PARVA: variants seen among roughly 807,000 people sequenced by gnomAD.
PARVA encodes the protein alpha-parvin.
In PARVA, 25 loss-of-function variants were observed where a neutral mutation model predicts 52.6. The ratio of observed to expected loss-of-function variants is 0.48; its 90% CI spans 0.35 to 0.66. The LOEUF (loss-of-function observed/expected upper bound fraction) is 0.66. PARVA is among the 30% of genes least tolerant of loss of function. The pLI, the probability that PARVA is intolerant of heterozygous loss-of-function variation, is 0.01. For missense variants in PARVA, 373 were observed against 450.9 expected (o/e 0.83, Z 1.56); for synonymous variants, 185 against 179.1 (o/e 1.03, Z -0.26).
chr11:12,508,203 T>C (rs1941460942), intron 6 of PARVA, among the ~76,000 whole-genome samples: 1 of 151,794 alleles, frequency 6.6e-6, no homozygotes, highest in African/African-American at 2.4e-5. Context: ...GTTAAATGTG[T>C]TTCTCAGCTT....
chr11:12,525,362 G>A, intron 12 of PARVA, among the ~76,000 whole-genome samples: 1 of 152,144 alleles, frequency 6.6e-6, no homozygotes, highest in Admixed American at 6.5e-5. Flanking sequence ...AGCCATGCCT[G>A]GAGGCCTATC....
intron 1 of PARVA, among the ~76,000 whole-genome samples, chr11:12,431,957 C>G (rs1271188281): frequency 6.6e-6 from 1 of 152,220 alleles, no homozygotes; most frequent in African/African-American, 2.4e-5. Flanking sequence ...GGTGAGGATA[C>G]TAGTTTACAC....
intron 1 of PARVA, among the ~76,000 whole-genome samples, chr11:12,380,050 C>G (rs1039665503): frequency 2.0e-4 from 31 of 152,192 alleles, no homozygotes; most frequent in African/African-American, 7.5e-4. Flanking sequence ...CCTTTTATTA[C>G]TACCTTGCTG....
chr11:12,505,419 G>A (rs1034472741), intron 6 of PARVA, among the ~76,000 whole-genome samples: 5 of 152,200 alleles, frequency 3.3e-5, no homozygotes, highest in African/African-American at 1.2e-4. Context: ...GTCAACAGGA[G>A]GAGACAAGGA....
intron 1 of PARVA, among the ~76,000 whole-genome samples, chr11:12,403,508 G>A (rs1316268895): frequency 6.6e-6 from 1 of 152,230 alleles, no homozygotes; most frequent in African/African-American, 2.4e-5. Context: ...GGACTCAGAA[G>A]GTAGCAGGTC....
At chr11:12,391,161 G>A (rs756033944) in intron 1 of PARVA, among the ~76,000 whole-genome samples, 6 of 152,160 alleles carry the variant, frequency 3.9e-5, no homozygotes, top group Admixed American at 6.5e-5. Context: ...GAACGTGGCC[G>A]GAGTGATGGG....
intron 12 of PARVA, among the ~76,000 whole-genome samples, chr11:12,522,286 G>C (rs2135088020): frequency 6.6e-6 from 1 of 152,232 alleles, no homozygotes; most frequent in South Asian, 2.1e-4. Flanking sequence ...GGAACTTCTA[G>C]TTACTGTAGC....
chr11:12,524,936 G>A (rs552471149), intron 12 of PARVA, among the ~76,000 whole-genome samples: 4 of 152,232 alleles, frequency 2.6e-5, no homozygotes, highest in Non-Finnish European at 4.4e-5. Flanking sequence ...GGACCCCTGC[G>A]CCCAGGCGGG....
chr11:12,513,149 C>G, intron 8 of PARVA, 150 bp from the exon 9 acceptor site: 1 of 760,862 alleles, frequency 1.3e-6, no homozygotes. Flanking sequence ...AAATCACATT[C>G]CAGAGTTCCC....
At chr11:12,460,489 T>TCAC (rs1294637503) in intron 1 of PARVA, among the ~76,000 whole-genome samples, 5 of 151,116 alleles carry the variant, frequency 3.3e-5, no homozygotes, top group African/African-American at 1.2e-4. Flanking sequence ...GTGTGTGCCC[T>TCAC]CACCATCATC....
chr11:12,443,691 C>T (rs1940502363), intron 1 of PARVA, among the ~76,000 whole-genome samples: 1 of 152,136 alleles, frequency 6.6e-6, no homozygotes, highest in Admixed American at 6.6e-5. Context: ...AGAGATGCAG[C>T]CTAGTGGATA....
At chr11:12,470,913 G>T (rs931599163) in intron 1 of PARVA, among the ~76,000 whole-genome samples, 3 of 152,168 alleles carry the variant, frequency 2.0e-5, no homozygotes, top group Admixed American at 6.5e-5. Flanking sequence ...GTTAGAAGGT[G>T]GTTCTGATAG....
At chr11:12,473,080 C>T (rs1438322091) in intron 1 of PARVA, among the ~76,000 whole-genome samples, 1 of 152,154 alleles carries the variant, frequency 6.6e-6, no homozygotes, top group Non-Finnish European at 1.5e-5. Context: ...CAGTCAAACT[C>T]TATTTTCAGC....
chr11:12,425,319 C>T (rs1487651654), intron 1 of PARVA, among the ~76,000 whole-genome samples: 4 of 152,218 alleles, frequency 2.6e-5, no homozygotes, highest in Non-Finnish European at 5.9e-5. Context: ...AAGACGAACA[C>T]AGTTTTGGCC....
At chr11:12,476,144 C>A (rs1342161339) in intron 3 of PARVA, among the ~76,000 whole-genome samples, 1 of 152,082 alleles carries the variant, frequency 6.6e-6, no homozygotes, top group Non-Finnish European at 1.5e-5. Context: ...TGTTGATCTC[C>A]CAGACCTAGA....
At chr11:12,380,750 C>T (rs1333770694) in intron 1 of PARVA, among the ~76,000 whole-genome samples, 1 of 140,152 alleles carries the variant, frequency 7.1e-6, no homozygotes, top group Non-Finnish European at 1.5e-5. Flanking sequence ...ACTGTCATCT[C>T]CCTTATTCTA....
chr11:12,504,545 G>A, intron 6 of PARVA, 116 bp downstream of exon 6: 1 of 678,478 alleles, frequency 1.5e-6, no homozygotes, highest in Non-Finnish European at 2.7e-6. Context: ...GAGTGAGCCT[G>A]GGTGTGCAGT....
At chr11:12,414,790 G>A (rs756908182) in intron 1 of PARVA, among the ~76,000 whole-genome samples, 2 of 152,196 alleles carry the variant, frequency 1.3e-5, no homozygotes, top group Admixed American at 1.3e-4. Context: ...CGTTAGTTGC[G>A]TGGAGCCATC....
chr11:12,445,458 G>A (rs998990980), intron 1 of PARVA, among the ~76,000 whole-genome samples: 2 of 152,168 alleles, frequency 1.3e-5, no homozygotes, highest in Admixed American at 1.3e-4. Flanking sequence ...ATTTCTTGGG[G>A]TACTTCCCAT....
Sources: allele counts gnomAD v4.1 joint callset (sites outside exome capture counted in the v4.1 genomes callset), GRCh38; gene constraint gnomAD v4.1.1; transcripts MANE v1.5; gene names NCBI Gene and HGNC (gene_info 2026-07-23, HGNC 2026-07-21).